RBMS3: variants seen among roughly 807,000 people sequenced by gnomAD.
RBMS3 encodes RNA-binding motif, single-stranded-interacting protein 3.
A neutral mutation model predicts 66.8 loss-of-function variants in RBMS3; 27 were observed. The observed-to-expected ratio is 0.40, with a 90% CI of 0.30 to 0.56. The LOEUF is 0.56. RBMS3 is among the 20% of genes least tolerant of loss of function. RBMS3 has a pLI of 0.40. For synonymous variants in RBMS3, 188 were observed against 183.0 expected (o/e 1.03, Z -0.22); for missense variants, 513 against 549.5 (o/e 0.93, Z 0.66).
rs1472896312 is a variant in RBMS3 at position 29,323,998 on chromosome 3, A to G, written c.75+42242A>G. Among the ~76,000 whole-genome samples, 41 of 2,558 alleles carry G rather than the reference A, an allele frequency of 0.016. No individual in the cohort carries two copies. The East Asian group carries it at 0.43, about 27-fold the overall frequency. 1.7% of individuals were successfully genotyped at this position (2,558 alleles called of 152,430 possible). On this transcript the variant is annotated intron_variant, in intron 1 of 14. Transcript: ENST00000383767. ...ATTTTCTTGGATTTGCCCACTCTGAAAAAAAAAAAAAAATTCACTGCAAGC... is the reference window on the plus strand; with the variant it reads ...ATTTTCTTGGATTTGCCCACTCTGAGAAAAAAAAAAAAATTCACTGCAAGC...
At chr3:29,334,114 T>A (rs1299952527) in intron 1 of RBMS3, among the ~76,000 whole-genome samples, 1 of 152,182 alleles carries the variant, frequency 6.6e-6, no homozygotes, top group Non-Finnish European at 1.5e-5. Context: ...AAAGGGCTTA[T>A]TAGCTTAGTA....
At chr3:29,577,666 A>G (rs1033846416) in intron 3 of RBMS3, among the ~76,000 whole-genome samples, 2 of 152,220 alleles carry the variant, frequency 1.3e-5, no homozygotes, top group Admixed American at 6.5e-5. Context: ...GGCTGAGCCC[A>G]GTATAGCTTT....
chr3:29,410,856 G>A (rs2040237580), intron 1 of RBMS3, among the ~76,000 whole-genome samples: 1 of 151,744 alleles, frequency 6.6e-6, no homozygotes, highest in Admixed American at 6.6e-5. Context: ...AGCTGTTGCT[G>A]ATAGCTGTTG....
chr3:29,292,832 T>C (rs2125427721), intron 1 of RBMS3, among the ~76,000 whole-genome samples: 1 of 151,960 alleles, frequency 6.6e-6, no homozygotes, highest in East Asian at 1.9e-4. Context: ...TTTGACAACT[T>C]GTTTTCCTTT....
chr3:29,990,804 C>A (rs145696063), intron 13 of RBMS3, among the ~76,000 whole-genome samples: 9 of 152,164 alleles, frequency 5.9e-5, no homozygotes, highest in African/African-American at 9.6e-5. Context: ...AATGTGCAAA[C>A]CTGGTTTAAA....
At chr3:29,429,903 C>A (rs1559354179) in intron 1 of RBMS3, among the ~76,000 whole-genome samples, 1 of 151,660 alleles carries the variant, frequency 6.6e-6, no homozygotes, top group African/African-American at 2.4e-5. Flanking sequence ...CTGCTGTGAC[C>A]CATTAACCCC....
chr3:29,532,237 C>CATATATATATATATATATAT, intron 3 of RBMS3, among the ~76,000 whole-genome samples: 1 of 92,138 alleles, frequency 1.1e-5, no homozygotes, highest in Non-Finnish European at 2.0e-5. Context: ...TTTAATTTCG[C>CATATATATATATATATATAT]ATATATATGT....
At chr3:29,595,556 C>T (rs75711254) in intron 4 of RBMS3, among the ~76,000 whole-genome samples, 6,112 of 152,212 alleles carry the variant, frequency 0.04, 162 homozygotes, top group Admixed American at 0.088. Context: ...GAATAGTCTT[C>T]ATTCATGGCT....
At chr3:29,806,286 A>G (rs1456894121) in intron 6 of RBMS3, among the ~76,000 whole-genome samples, 1 of 151,976 alleles carries the variant, frequency 6.6e-6, no homozygotes, top group Admixed American at 6.6e-5. Flanking sequence ...TCACTATGTC[A>G]CTGTGCAAGT....
At chr3:29,329,048 A>G (rs2035501253) in intron 1 of RBMS3, among the ~76,000 whole-genome samples, 1 of 152,120 alleles carries the variant, frequency 6.6e-6, no homozygotes, top group South Asian at 2.1e-4. Flanking sequence ...TTAAATCAGT[A>G]TTGTTTCTTT....
intron 12 of RBMS3, among the ~76,000 whole-genome samples, chr3:29,975,966 C>A (rs968982954): frequency 1.3e-5 from 2 of 151,894 alleles, no homozygotes; most frequent in African/African-American, 4.8e-5. Flanking sequence ...TGTGGCATAT[C>A]TCTGAATATA....
intron 8 of RBMS3, among the ~76,000 whole-genome samples, chr3:29,888,826 CT>C (rs1484782382): frequency 1.3e-5 from 2 of 151,602 alleles, no homozygotes; most frequent in Non-Finnish European, 3.0e-5. Context: ...CACAATAAAA[CT>C]AGTCATTAAG....
chr3:29,698,573 G>T, intron 4 of RBMS3: 1 of 985,332 alleles, frequency 1.0e-6, no homozygotes, highest in Non-Finnish European at 1.2e-6. Context: ...ATAACAAAAT[G>T]AGCATGAAGA....
chr3:29,590,972 G>A (rs943885419), intron 4 of RBMS3, among the ~76,000 whole-genome samples: 5 of 152,132 alleles, frequency 3.3e-5, no homozygotes, highest in Non-Finnish European at 7.4e-5. Context: ...TGAAGGAGCA[G>A]TATGGCTGAT....
At chr3:29,604,696 A>G (rs2048262557) in intron 4 of RBMS3, among the ~76,000 whole-genome samples, 1 of 151,976 alleles carries the variant, frequency 6.6e-6, no homozygotes, top group Admixed American at 6.6e-5. Flanking sequence ...TGGAAACCAT[A>G]TATGATTATG....
intron 10 of RBMS3, among the ~76,000 whole-genome samples, chr3:29,901,144 T>C (rs1005341221): frequency 6.6e-6 from 1 of 151,784 alleles, no homozygotes; most frequent in African/African-American, 2.4e-5. Context: ...GTCTATGTTC[T>C]ATAAATCATA....
At chr3:29,840,796 T>TC (rs1184590575) in intron 6 of RBMS3, among the ~76,000 whole-genome samples, 1 of 152,026 alleles carries the variant, frequency 6.6e-6, no homozygotes, top group Non-Finnish European at 1.5e-5. Context: ...AGGTTTTTTT[T>TC]CTATTACAAT....
chr3:29,588,526 T>G (rs1447776372), intron 4 of RBMS3, among the ~76,000 whole-genome samples: 1 of 152,078 alleles, frequency 6.6e-6, no homozygotes, highest in Non-Finnish European at 1.5e-5. Context: ...TCTAGTGAAC[T>G]GATACAGACC....
chr3:29,795,540 C>T (rs1280166428), intron 6 of RBMS3, among the ~76,000 whole-genome samples: 1 of 152,134 alleles, frequency 6.6e-6, no homozygotes, highest in African/African-American at 2.4e-5. Context: ...CAGTTTTGTT[C>T]ATTGTTATAT....
Sources: gnomAD v4.1 joint callset for allele counts (sites outside exome capture counted in the v4.1 genomes callset) on GRCh38, gnomAD v4.1.1 for gene constraint, MANE v1.5 for transcripts, NCBI Gene and HGNC (gene_info 2026-07-23, HGNC 2026-07-21) for gene names.